Variants in ARHGAP22 observed in about 807,000 individuals in gnomAD.
The protein encoded by ARHGAP22 is Rho GTPase activating protein 22.
ARHGAP22 carries 48 observed loss-of-function variants against 59.1 expected under a neutral mutation model. The observed-to-expected ratio is 0.81, with a 90% CI of 0.64 to 1.03. ARHGAP22 has a LOEUF of 1.03. Among genes scored for constraint, ARHGAP22 ranks in the 50% least tolerant of loss-of-function variants. The pLI, the probability that ARHGAP22 is intolerant of heterozygous loss-of-function variation, is 0.00. For missense variants in ARHGAP22, 1,015 were observed against 958.7 expected, an observed-to-expected ratio of 1.06 and a Z score of -0.78; for synonymous variants, 445 against 416.4, an observed-to-expected ratio of 1.07 and a Z score of -0.84.
intron 1 of ARHGAP22, among the ~76,000 whole-genome samples, chr10:48,618,732 C>CTACA (rs926101922): frequency 2.6e-5 from 4 of 152,030 alleles, no homozygotes; most frequent in Non-Finnish European, 5.9e-5. Flanking sequence ...AAACCACAGC[C>CTACA]TACATCATAT....
the ARHGAP22 span, chr10:48,435,054 A>ACTTTGGGGGCCGGGGGGGGGGGGG: frequency 2.7e-6 from 1 of 373,720 alleles, no homozygotes. Flanking sequence ...GGGGGGTGGG[A>ACTTTGGGGGCCGGGGGGGGGGGGG]GGGATGGGGA....
chr10:48,496,585 T>A (rs931571651), intron 3 of ARHGAP22, among the ~76,000 whole-genome samples: 1 of 152,108 alleles, frequency 6.6e-6, no homozygotes, highest in Non-Finnish European at 1.5e-5. Context: ...GCCGCTCTCT[T>A]CACCTTAGCT....
chr10:48,435,331 AT>A, the ARHGAP22 span: 8 of 252,602 alleles, frequency 3.2e-5, no homozygotes, highest in South Asian at 1.0e-3. Flanking sequence ...TATGCTGCTG[AT>A]TTTTTTAACT....
intron 1 of ARHGAP22, among the ~76,000 whole-genome samples, chr10:48,625,495 T>C (rs1014090568): frequency 6.6e-6 from 1 of 152,166 alleles, no homozygotes. Context: ...GCGTTGCAGT[T>C]CATGACCAGC....
chr10:48,441,192 T>C (rs1464281459), downstream of ARHGAP22, among the ~76,000 whole-genome samples: 1 of 152,184 alleles, frequency 6.6e-6, no homozygotes, highest in Admixed American at 6.5e-5. Flanking sequence ...TGTTGTTTGC[T>C]TGTATGGCCC....
chr10:48,515,166 TAATC>T (rs140938321), intron 3 of ARHGAP22, among the ~76,000 whole-genome samples: 6,110 of 152,190 alleles, frequency 0.04, 175 homozygotes, highest in Non-Finnish European at 0.058. Flanking sequence ...ATTTTTTAAA[TAATC>T]AAACCATTAC....
At chr10:48,603,358 A>C (rs2060495776) in intron 1 of ARHGAP22, among the ~76,000 whole-genome samples, 1 of 152,260 alleles carries the variant, frequency 6.6e-6, no homozygotes, top group African/African-American at 2.4e-5. Context: ...TCTAGTAGCT[A>C]TAGTAAAAGA....
chr10:48,538,159 T>G (rs1400055116), intron 3 of ARHGAP22, among the ~76,000 whole-genome samples: 1 of 152,164 alleles, frequency 6.6e-6, no homozygotes, highest in Non-Finnish European at 1.5e-5. Flanking sequence ...CTTCCTTGCC[T>G]CTTCCAGCTG....
At chr10:48,513,561 G>A (rs1296570581) in intron 3 of ARHGAP22, among the ~76,000 whole-genome samples, 5 of 152,204 alleles carry the variant, frequency 3.3e-5, no homozygotes, top group African/African-American at 9.7e-5. Flanking sequence ...ATCATTGGCT[G>A]ACCAATAAAC....
At chr10:48,565,471 A>G (rs78098399) in intron 2 of ARHGAP22, among the ~76,000 whole-genome samples, 2,110 of 152,280 alleles carry the variant, frequency 0.014, 41 homozygotes, top group African/African-American at 0.049. Flanking sequence ...GGATTTCCCC[A>G]GGTTTAGTGC....
At chr10:48,586,431 G>A (rs1033118107) in intron 1 of ARHGAP22, among the ~76,000 whole-genome samples, 5 of 152,190 alleles carry the variant, frequency 3.3e-5, no homozygotes. Flanking sequence ...GGTTACTATG[G>A]TGATAAGGAT....
chr10:48,579,969 T>C (rs186918235), intron 2 of ARHGAP22, among the ~76,000 whole-genome samples: 10 of 152,304 alleles, frequency 6.6e-5, no homozygotes, highest in Admixed American at 5.9e-4. Context: ...GACAGTTGCC[T>C]TGAGATTGGG....
At chr10:48,515,698 G>A (rs1048654811) in intron 3 of ARHGAP22, among the ~76,000 whole-genome samples, 1 of 152,066 alleles carries the variant, frequency 6.6e-6, no homozygotes, top group Non-Finnish European at 1.5e-5. Flanking sequence ...AAATTTTAAA[G>A]GATTAACCAA....
chr10:48,504,605 G>A (rs2051888015), intron 3 of ARHGAP22, among the ~76,000 whole-genome samples: 1 of 152,206 alleles, frequency 6.6e-6, no homozygotes, highest in South Asian at 2.1e-4. Flanking sequence ...AAAAGGATGA[G>A]CAGGGGAGGC....
chr10:48,588,735 T>G (rs998353244), intron 1 of ARHGAP22, among the ~76,000 whole-genome samples: 1 of 152,184 alleles, frequency 6.6e-6, no homozygotes, highest in African/African-American at 2.4e-5. Context: ...CCAATTGACT[T>G]GATGGTGTTC....
At chr10:48,586,177 T>C (rs911342083) in intron 1 of ARHGAP22, among the ~76,000 whole-genome samples, 2 of 152,202 alleles carry the variant, frequency 1.3e-5, no homozygotes, top group African/African-American at 4.8e-5. Context: ...TTGATGGGTA[T>C]TGGCACTCTC....
At chr10:48,621,322 ATC>A (rs1402462086) in intron 1 of ARHGAP22, among the ~76,000 whole-genome samples, 1 of 152,146 alleles carries the variant, frequency 6.6e-6, no homozygotes. Flanking sequence ...ACATGTTGTC[ATC>A]TCTGTCATTT....
chr10:48,461,770 C>T (rs2047154457), intron 4 of ARHGAP22, among the ~76,000 whole-genome samples: 1 of 152,200 alleles, frequency 6.6e-6, no homozygotes, highest in African/African-American at 2.4e-5. Context: ...ACCCACTGTG[C>T]AGAGACCTTC....
upstream of ARHGAP22, among the ~76,000 whole-genome samples, chr10:48,608,299 G>A (rs1013890836): frequency 6.6e-6 from 1 of 152,180 alleles, no homozygotes; most frequent in Admixed American, 6.5e-5. Flanking sequence ...GCTGTTGGAT[G>A]GTCTGTGCAC....
Sources: gnomAD v4.1 joint callset for allele counts (sites outside exome capture counted in the v4.1 genomes callset) on GRCh38, gnomAD v4.1.1 for gene constraint, MANE v1.5 for transcripts, NCBI Gene and HGNC (gene_info 2026-07-23, HGNC 2026-07-21) for gene names.